The following SH3BGRL2 variants were observed in gnomAD, a reference collection of about 807,000 sequenced individuals.
The protein encoded by SH3BGRL2 is SH3 domain-binding glutamic acid-rich-like protein 2.
A neutral mutation model predicts 14.8 loss-of-function variants in SH3BGRL2; 21 were observed. The ratio of observed to expected loss-of-function variants is 1.42; its 90% confidence interval spans 1.01 to 2.05. The LOEUF (loss-of-function observed/expected upper bound fraction) is 2.05, where lower values mean the gene tolerates loss of function less well. Ranked by LOEUF, SH3BGRL2 falls within the 30% of genes most tolerant of loss-of-function variation. The probability of loss-of-function intolerance (pLI) is 0.00; values close to 1 mark genes in which losing one functional copy is unlikely to be tolerated. For synonymous variants in SH3BGRL2, 50 were observed against 47.8 expected, an observed-to-expected ratio of 1.05 and a Z score of -0.19; for missense variants, 147 against 130.8, an observed-to-expected ratio of 1.12 and a Z score of -0.61.
the SH3BGRL2 span, among the ~76,000 whole-genome samples, chr6:79,565,414 ATTAT>A: frequency 3.3e-5 from 5 of 152,058 alleles, no homozygotes; most frequent in East Asian, 1.9e-4. Context: ...TTTTTTTACT[ATTAT>A]TTACTGCCAT....
the SH3BGRL2 span, among the ~76,000 whole-genome samples, chr6:79,599,081 C>CA: frequency 0.24 from 27,240 of 112,064 alleles, 2,711 homozygotes; most frequent in Non-Finnish European, 0.26. Flanking sequence ...AACTCTGTCT[C>CA]AAAAAAAAAA....
chr6:79,564,291 A>G, the SH3BGRL2 span, among the ~76,000 whole-genome samples: 1 of 152,218 alleles, frequency 6.6e-6, no homozygotes, highest in Non-Finnish European at 1.5e-5. Flanking sequence ...GAACGATTAC[A>G]TTTGTAAATA....
intron 1 of SH3BGRL2, among the ~76,000 whole-genome samples, chr6:79,657,114 T>C (rs891669903): frequency 1.3e-5 from 2 of 151,892 alleles, no homozygotes; most frequent in African/African-American, 4.8e-5. Flanking sequence ...GAAGATGAGA[T>C]AAACATGGGA....
the SH3BGRL2 span, among the ~76,000 whole-genome samples, chr6:79,539,433 G>T: frequency 6.6e-6 from 1 of 152,154 alleles, no homozygotes; most frequent in African/African-American, 2.4e-5. Context: ...ATAGTTAACA[G>T]AAATCAGACT....
intron 1 of SH3BGRL2, among the ~76,000 whole-genome samples, chr6:79,666,955 G>A (rs1224366838): frequency 6.6e-6 from 1 of 152,228 alleles, no homozygotes; most frequent in Non-Finnish European, 1.5e-5. Flanking sequence ...AGATAGAAAA[G>A]CTAGTATGTT....
chr6:79,683,553 A>G (rs1296711923), intron 2 of SH3BGRL2, among the ~76,000 whole-genome samples: 1 of 151,574 alleles, frequency 6.6e-6, no homozygotes, highest in African/African-American at 2.4e-5. Flanking sequence ...GGTTCAAGCA[A>G]TTTTCCTGCC....
the SH3BGRL2 span, among the ~76,000 whole-genome samples, chr6:79,558,432 C>T: frequency 5.9e-5 from 9 of 152,046 alleles, no homozygotes; most frequent in African/African-American, 2.2e-4. Flanking sequence ...TTTTAACATC[C>T]TTTTAGAAAG....
chr6:79,692,944 G>A (rs1381325071), intron 2 of SH3BGRL2, among the ~76,000 whole-genome samples: 2 of 152,076 alleles, frequency 1.3e-5, no homozygotes, highest in African/African-American at 2.4e-5. Flanking sequence ...AAATTACCTT[G>A]GGTAGTATGG....
At chr6:79,612,383 A>ATT in the SH3BGRL2 span, among the ~76,000 whole-genome samples, 2 of 152,194 alleles carry the variant, frequency 1.3e-5, no homozygotes, top group Non-Finnish European at 2.9e-5. Context: ...TATTCTCCCA[A>ATT]TTATACCCTA....
chr6:79,651,996 C>A (rs947276694), intron 1 of SH3BGRL2, among the ~76,000 whole-genome samples: 1 of 152,110 alleles, frequency 6.6e-6, no homozygotes, highest in Non-Finnish European at 1.5e-5. Context: ...ATCCTTCTCC[C>A]AAATTCCCTC....
intron 2 of SH3BGRL2, among the ~76,000 whole-genome samples, chr6:79,695,418 C>A (rs2127739571): frequency 6.6e-6 from 1 of 152,300 alleles, no homozygotes; most frequent in African/African-American, 2.4e-5. Context: ...GCATGCGTTG[C>A]AGGAAGCGAA....
the SH3BGRL2 span, among the ~76,000 whole-genome samples, chr6:79,595,396 A>G: frequency 6.6e-6 from 1 of 152,240 alleles, no homozygotes; most frequent in Non-Finnish European, 1.5e-5. Context: ...ACTGATAAAG[A>G]TATTCGGCTA....
chr6:79,647,311 GA>G, intron 1 of SH3BGRL2, among the ~76,000 whole-genome samples: 1 of 151,910 alleles, frequency 6.6e-6, no homozygotes. Context: ...TTTTTTTAAA[GA>G]AGTGGTTGTG....
At chr6:79,540,974 C>T in the SH3BGRL2 span, among the ~76,000 whole-genome samples, 2 of 151,952 alleles carry the variant, frequency 1.3e-5, no homozygotes, top group South Asian at 2.1e-4. Flanking sequence ...AGTTTCCAGC[C>T]GGGCATGGTG....
chr6:79,615,882 G>T, the SH3BGRL2 span, among the ~76,000 whole-genome samples: 2 of 134,848 alleles, frequency 1.5e-5, no homozygotes, highest in Non-Finnish European at 3.1e-5. Flanking sequence ...GCCCAGGCTG[G>T]AGTGCAATGG....
intron 2 of SH3BGRL2, among the ~76,000 whole-genome samples, chr6:79,678,735 AG>A (rs2127734832): frequency 6.6e-6 from 1 of 152,284 alleles, no homozygotes; most frequent in South Asian, 2.1e-4. Context: ...TAGTGAGCAT[AG>A]TACCCAATAG....
chr6:79,549,738 T>C, the SH3BGRL2 span, among the ~76,000 whole-genome samples: 1 of 152,228 alleles, frequency 6.6e-6, no homozygotes, highest in Non-Finnish European at 1.5e-5. Flanking sequence ...TCTCCTCATC[T>C]TTTATAACAG....
At chr6:79,695,425 C>T (rs1047852748) in intron 2 of SH3BGRL2, among the ~76,000 whole-genome samples, 12 of 152,280 alleles carry the variant, frequency 7.9e-5, no homozygotes, top group East Asian at 5.8e-4. Flanking sequence ...TTGCAGGAAG[C>T]GAATCTCTAC....
the SH3BGRL2 span, among the ~76,000 whole-genome samples, chr6:79,566,171 T>C: frequency 3.3e-5 from 5 of 152,310 alleles, no homozygotes; most frequent in African/African-American, 1.2e-4. Flanking sequence ...TTCTTCTCCC[T>C]TAGAATAGTT....
Sources: allele counts gnomAD v4.1 joint callset (sites outside exome capture counted in the v4.1 genomes callset), GRCh38; gene constraint gnomAD v4.1.1; transcripts MANE v1.5; gene names NCBI Gene and HGNC (gene_info 2026-07-23, HGNC 2026-07-21).